Variants in ETV1 observed in about 807,000 individuals in gnomAD.
ETV1 encodes the protein ETS variant transcription factor 1.
Under a neutral mutation model 62.3 loss-of-function variants are expected in ETV1, and 27 were observed. The ratio of observed to expected loss-of-function variants is 0.43; its 90% CI spans 0.32 to 0.60. The LOEUF is 0.60. Ranked by LOEUF, ETV1 falls within the 20% of genes least tolerant of loss-of-function variation. The probability of loss-of-function intolerance (pLI) is 0.06; values close to 1 mark genes in which losing one functional copy is unlikely to be tolerated. For synonymous variants in ETV1, 222 were observed against 199.6 expected (o/e 1.11, Z -0.94); for missense variants, 605 against 605.8 (o/e 1.00, Z 0.01).
chr7:13,984,530 T>G (rs918083019), intron 5 of ETV1, among the ~76,000 whole-genome samples: 1 of 152,028 alleles, frequency 6.6e-6, no homozygotes, highest in South Asian at 2.1e-4. Flanking sequence ...TTTCTCACTA[T>G]TAGGTTTTAA....
chr7:13,990,582 C>G (rs1420057009), upstream of ETV1: 1 of 152,348 alleles, frequency 6.6e-6, no homozygotes, highest in Non-Finnish European at 1.5e-5. Context: ...TCCTCTCCAG[C>G]TTTTAAACAG....
At chr7:13,985,125 T>G (rs1782421141) in intron 5 of ETV1, among the ~76,000 whole-genome samples, 1 of 152,058 alleles carries the variant, frequency 6.6e-6, no homozygotes, top group African/African-American at 2.4e-5. Flanking sequence ...TTAAGTTATT[T>G]TGGAGAAGCA....
At chr7:13,917,792 G>T (rs886925203) in intron 9 of ETV1, among the ~76,000 whole-genome samples, 2 of 151,706 alleles carry the variant, frequency 1.3e-5, no homozygotes, top group African/African-American at 4.8e-5. Flanking sequence ...GTGAAACCCC[G>T]TCTCTACTGA....
Position 13,895,748 on chromosome 7 carries a change from G to T in ETV1, c.*118C>A. On this transcript the variant is annotated 3_prime_UTR_variant, in exon 14 of 14. Transcript: ENST00000430479. ...TGCAACAGGAAAAGCCCCTTTTTGT[G>T]TATTATTATTTAAAAATAAAATACA... 8.1e-6 allele frequency: 6 copies of T among 742,842 alleles called. No homozygotes were observed. The highest frequency in any genetic ancestry group is 5.4e-5 in the Admixed American group (2 of 36,992). The allele number at this position is 742,842 out of a possible 1,614,324, so 46.0% of individuals were successfully genotyped here. A position where few individuals can be genotyped will look rare whatever the true frequency, so the allele number is the denominator to read the frequency against.
intron 7 of ETV1, among the ~76,000 whole-genome samples, chr7:13,938,388 G>C (rs1159662622): frequency 1.3e-5 from 2 of 152,138 alleles, no homozygotes; most frequent in Admixed American, 1.3e-4. Context: ...TGAATATTTG[G>C]AATAATTTGT....
chr7:13,915,034 T>G (rs1400952650), intron 9 of ETV1, among the ~76,000 whole-genome samples: 1 of 152,220 alleles, frequency 6.6e-6, no homozygotes, highest in East Asian at 1.9e-4. Context: ...TAAATTCTTC[T>G]ACCAATAACG....
At chr7:13,924,050 AAAAAT>A (rs1323347614) in intron 9 of ETV1, among the ~76,000 whole-genome samples, 2 of 152,116 alleles carry the variant, frequency 1.3e-5, no homozygotes, top group Admixed American at 6.6e-5. Flanking sequence ...AAAAAATTAA[AAAAAT>A]AAAATAAAAT....
At chr7:13,944,651 C>G (rs1470149571) in intron 6 of ETV1, among the ~76,000 whole-genome samples, 2 of 145,076 alleles carry the variant, frequency 1.4e-5, no homozygotes, top group African/African-American at 5.8e-5. Flanking sequence ...AACACAGGAG[C>G]CCCAAATCTG....
intron 12 of ETV1, 139 bp downstream of exon 12, chr7:13,906,291 T>C (rs936209080): frequency 1.4e-5 from 8 of 558,294 alleles, no homozygotes; most frequent in Non-Finnish European, 2.1e-5. Context: ...TGTTTTATCT[T>C]TGCATGCTTT....
chr7:13,946,188 C>A (rs1204310972), intron 6 of ETV1, among the ~76,000 whole-genome samples: 1 of 152,178 alleles, frequency 6.6e-6, no homozygotes, highest in Non-Finnish European at 1.5e-5. Flanking sequence ...GATAATTTAT[C>A]TAGAAAATCT....
At chr7:13,960,209 C>T (rs1790005224) in intron 6 of ETV1, among the ~76,000 whole-genome samples, 1 of 152,154 alleles carries the variant, frequency 6.6e-6, no homozygotes, top group East Asian at 1.9e-4. Context: ...GCAGTAATGA[C>T]ATCACAAACC....
chr7:13,970,263 A>AAC (rs71033966), intron 6 of ETV1, among the ~76,000 whole-genome samples: 3,835 of 125,248 alleles, frequency 0.031, 80 homozygotes, highest in Non-Finnish European at 0.038. Flanking sequence ...CCCATCTCAA[A>AAC]ACACACACAC....
intron 6 of ETV1, among the ~76,000 whole-genome samples, chr7:13,970,899 A>G (rs1780831029): frequency 6.6e-6 from 1 of 152,070 alleles, no homozygotes; most frequent in African/African-American, 2.4e-5. Context: ...TGTAACAGTA[A>G]TCTAAGTATT....
At chr7:13,901,245 T>TC (rs1197221293) in intron 12 of ETV1, among the ~76,000 whole-genome samples, 1 of 152,196 alleles carries the variant, frequency 6.6e-6, no homozygotes, top group East Asian at 1.9e-4. Context: ...CCTCAGGTGG[T>TC]CCACCCACCT....
At chr7:13,955,745 T>C (rs1789360682) in intron 6 of ETV1, among the ~76,000 whole-genome samples, 1 of 152,228 alleles carries the variant, frequency 6.6e-6, no homozygotes, top group South Asian at 2.1e-4. Flanking sequence ...ACCTAGAGGA[T>C]GTACTCCCAA....
intron 9 of ETV1, among the ~76,000 whole-genome samples, chr7:13,928,882 CG>C (rs1785753014): frequency 6.6e-6 from 1 of 151,934 alleles, no homozygotes; most frequent in Admixed American, 6.6e-5. Context: ...TGCTTGGACC[CG>C]GGGGTCGGAG....
chr7:13,917,412 G>A (rs1784305336), intron 9 of ETV1, among the ~76,000 whole-genome samples: 1 of 151,662 alleles, frequency 6.6e-6, no homozygotes, highest in Non-Finnish European at 1.5e-5. Flanking sequence ...CTGCCTCCCG[G>A]GTTCAAGTGA....
At chr7:13,988,765 A>G in intron 3 of ETV1, 4 of 1,611,602 alleles carry the variant, frequency 2.5e-6, no homozygotes, top group Non-Finnish European at 3.4e-6. Context: ...TCTTCCACTC[A>G]TGTTGGGCAC....
chr7:13,917,191 C>G (rs1784269691), intron 9 of ETV1, among the ~76,000 whole-genome samples: 2 of 151,908 alleles, frequency 1.3e-5, no homozygotes, highest in South Asian at 4.1e-4. Flanking sequence ...TAGGCTCGCA[C>G]TATTACAAGT....
Sources: gnomAD v4.1 joint callset for allele counts (sites outside exome capture counted in the v4.1 genomes callset) on GRCh38, gnomAD v4.1.1 for gene constraint, MANE v1.5 for transcripts, NCBI Gene and HGNC (gene_info 2026-07-23, HGNC 2026-07-21) for gene names.